GCA: variants seen among roughly 807,000 people sequenced by gnomAD.
GCA encodes the protein grancalcin.
In GCA, 30 loss-of-function variants were observed where a neutral mutation model predicts 32.6. The observed-to-expected ratio is 0.92, with a 90% confidence interval of 0.69 to 1.25. The LOEUF is 1.25. Ranked by LOEUF, GCA falls within the 50% of genes most tolerant of loss-of-function variation. The pLI is 0.00. For synonymous variants in GCA, 102 were observed against 84.6 expected, an observed-to-expected ratio of 1.21 and a Z score of -1.13; for missense variants, 291 against 266.8, an observed-to-expected ratio of 1.09 and a Z score of -0.63.
intron 3 of GCA, among the ~76,000 whole-genome samples, chr2:162,354,323 T>G (rs966978346): frequency 6.4e-4 from 97 of 152,306 alleles, no homozygotes; most frequent in African/African-American, 2.3e-3. Context: ...CCTTTTGGAC[T>G]GGGTTTTCAG....
At chr2:162,366,130 T>A (rs1177533300), downstream of GCA, among the ~76,000 whole-genome samples, 2 of 151,730 alleles carry the variant, frequency 1.3e-5, no homozygotes, top group Non-Finnish European at 3.0e-5. Flanking sequence ...TTTCAAAACA[T>A]AAATTAATGG....
At chr2:162,358,060 T>A (rs1206562876) in intron 5 of GCA, among the ~76,000 whole-genome samples, 1 of 151,580 alleles carries the variant, frequency 6.6e-6, no homozygotes, top group East Asian at 1.9e-4. Flanking sequence ...CACATTACAT[T>A]CTATTATAGC....
chr2:162,373,643 T>C, downstream of GCA: 1 of 1,523,048 alleles, frequency 6.6e-7, no homozygotes, highest in Non-Finnish European at 8.8e-7. Context: ...TGGATGTCAG[T>C]GGTCATTTGG....
In GCA at chr2:162,325,232, C is replaced by T. The variant is rs114764704; in HGVS notation, c.-31+6007C>T. On this transcript the variant is annotated intron_variant, in intron 1 of 4. Coordinates refer to the GCA transcript ENST00000429691. Reference sequence around the variant, plus strand: ...ATATCCTTAGCAATTAACAGGTGCACCCTGGGAATTCTGGGGTTTGTGAGC... The same window carrying T: ...ATATCCTTAGCAATTAACAGGTGCATCCTGGGAATTCTGGGGTTTGTGAGC... Among the ~76,000 whole-genome samples, 984 of 152,238 alleles carry T rather than the reference C, an allele frequency of 6.5e-3. 6 individuals carry two copies. The highest frequency in any genetic ancestry group is 0.01 in the Non-Finnish European group (700 of 68,012).
At position 162,362,861 on chromosome 2, in the gene GCA, G is replaced by T. The variant is rs1420660084; in HGVS notation, c.*2618G>T. Among the ~76,000 whole-genome samples, 1 of 151,204 alleles carries T rather than the reference G, an allele frequency of 6.6e-6. No homozygotes were observed. Among genetic ancestry groups the T allele is most frequent in the East Asian group, 1.9e-4 (1 of 5,166 alleles). On this transcript the variant is annotated 3_prime_UTR_variant, in exon 8 of 8. Transcript: ENST00000437150. ...GGTCCACTTTAAATGTAATTTCAAG[G>T]ATTTCTCATTTGACCTATTTACACA...
chr2:162,354,737 C>G (rs1685177245), intron 3 of GCA, among the ~76,000 whole-genome samples: 1 of 152,128 alleles, frequency 6.6e-6, no homozygotes, highest in Non-Finnish European at 1.5e-5. Context: ...TAACTCACAT[C>G]CATCAGCTCT....
At chr2:162,346,844 A>G (rs768518215) in intron 1 of GCA, among the ~76,000 whole-genome samples, 1 of 152,204 alleles carries the variant, frequency 6.6e-6, no homozygotes, top group Non-Finnish European at 1.5e-5. Context: ...AATCTTTACT[A>G]TTGCCATTTT....
At position 162,344,272 on chromosome 2, in the gene GCA, A is replaced by C; in HGVS notation, c.24A>C (p.Gly8=). 1 of 1,613,406 alleles carries C rather than the reference A, an allele frequency of 6.2e-7. No individual in the cohort carries two copies. Among genetic ancestry groups the C allele is most frequent in the Non-Finnish European group, 8.5e-7 (1 of 1,179,826 alleles). Residue 8 remains glycine (G), a synonymous_variant, in exon 1 of 8, where the codon GGA becomes GGC. Coordinates refer to ENST00000437150, the MANE Select transcript of GCA (RefSeq NM_012198.5). MAYPGYG[G]GFGNFSIQVP... is the part of the protein sequence containing the mutation. ...TCATGGCCTACCCGGGATACGGAGG[A>C]GGGGTGAGTCCCAGCCGCTTGGTCG...
intron 1 of GCA, among the ~76,000 whole-genome samples, chr2:162,338,030 G>C (rs754500786): frequency 6.6e-6 from 1 of 152,108 alleles, no homozygotes; most frequent in Non-Finnish European, 1.5e-5. Context: ...TTTGATCTGT[G>C]TCTACATCCA....
chr2:162,352,899 A>G (rs1475953358), intron 3 of GCA, among the ~76,000 whole-genome samples: 1 of 152,154 alleles, frequency 6.6e-6, no homozygotes, highest in Non-Finnish European at 1.5e-5. Flanking sequence ...TGCTGCTTAT[A>G]GCTGTATCTT....
chr2:162,325,965 G>A (rs180937190), intron 1 of GCA, among the ~76,000 whole-genome samples: 49 of 152,220 alleles, frequency 3.2e-4, no homozygotes, highest in African/African-American at 1.1e-3. Flanking sequence ...AGAGTAAGAC[G>A]GGTTTGTTTA....
downstream of GCA, among the ~76,000 whole-genome samples, chr2:162,366,472 C>T (rs1426197935): frequency 1.3e-5 from 2 of 151,908 alleles, no homozygotes; most frequent in African/African-American, 4.8e-5. Flanking sequence ...AATTTCCTTT[C>T]ATGCTTTTGC....
chr2:162,364,512 A>G (rs1685691792), downstream of GCA, among the ~76,000 whole-genome samples: 1 of 151,482 alleles, frequency 6.6e-6, no homozygotes. Flanking sequence ...GGTTGTAGAT[A>G]CCAATACAAT....
chr2:162,352,518 A>G lies in GCA; in HGVS notation c.262+111A>G, dbSNP rs144101271. On this transcript the variant is annotated intron_variant, in intron 3 of 7. Coordinates refer to ENST00000437150, the MANE Select transcript of GCA (RefSeq NM_012198.5). ...AAAATTATCACAGTTATACATGCAC[A>G]TAGTTTAAGGAGTCAAATAACTGTA... 1.6e-3 allele frequency: 1,083 copies of G among 697,902 alleles called. 13 individuals carry two copies. The African/African-American group carries it at 0.018, about 11-fold the overall frequency. 43.2% of individuals were successfully genotyped at this position (697,902 alleles called of 1,614,324 possible).
downstream of GCA, among the ~76,000 whole-genome samples, chr2:162,366,164 A>G (rs560783942): frequency 6.6e-6 from 1 of 151,906 alleles, no homozygotes; most frequent in Non-Finnish European, 1.5e-5. Context: ...AGTGACTATC[A>G]TTCAGGGGAT....
intron 1 of GCA, among the ~76,000 whole-genome samples, chr2:162,346,074 A>G (rs758790703): frequency 6.6e-6 from 1 of 152,164 alleles, no homozygotes; most frequent in Non-Finnish European, 1.5e-5. Flanking sequence ...TACTAATTGT[A>G]TACGAATAAA....
chr2:162,360,739 TA>T lies in GCA; in HGVS notation c.*498del. On this transcript the variant is annotated 3_prime_UTR_variant, in exon 8 of 8. Coordinates refer to ENST00000437150, the MANE Select transcript of GCA (RefSeq NM_012198.5). ...TAATATAGTTTGTTCCTTGATCAAA[TA>T]ATCAGAGAAAAGAAACTTAAAGATC... 7.1e-7 allele frequency: 1 copy of T among 1,400,126 alleles called. No individual in the cohort carries two copies. The highest frequency in any genetic ancestry group is 1.7e-5 in the South Asian group (1 of 59,748). The allele number at this position is 1,400,126 out of a possible 1,614,324, so 86.7% of individuals were successfully genotyped here.
intron 3 of GCA, 81 bp from the exon 4 acceptor site, chr2:162,356,357 A>T: frequency 1.2e-6 from 1 of 816,750 alleles, no homozygotes; most frequent in Non-Finnish European, 2.1e-6. Flanking sequence ...TTAATGTTTT[A>T]TTTTGAAACT....
chr2:162,350,892 T>C (rs1388531478), intron 2 of GCA, among the ~76,000 whole-genome samples: 1 of 152,198 alleles, frequency 6.6e-6, no homozygotes, highest in Non-Finnish European at 1.5e-5. Context: ...TTAGTCTAAA[T>C]ATTTAGACTG....
Sources: gnomAD v4.1 joint callset for allele counts (sites outside exome capture counted in the v4.1 genomes callset) on GRCh38, gnomAD v4.1.1 for gene constraint, MANE v1.5 for transcripts, NCBI Gene and HGNC (gene_info 2026-07-23, HGNC 2026-07-21) for gene names.